FLCN: variants seen among roughly 807,000 people sequenced by gnomAD.
FLCN encodes BHD skin lesion fibrofolliculoma protein.
A neutral mutation model predicts 62.5 loss-of-function variants in FLCN; 22 were observed. The observed-to-expected ratio is 0.35, with a 90% CI of 0.25 to 0.50. The LOEUF (loss-of-function observed/expected upper bound fraction) is 0.50, where lower values mean the gene tolerates loss of function less well. FLCN is among the 20% of genes least tolerant of loss of function. FLCN has a pLI of 0.97. For missense variants in FLCN, 657 were observed against 778.0 expected (o/e 0.84, Z 1.85); for synonymous variants, 319 against 310.0 (o/e 1.03, Z -0.30).
In FLCN at chr17:17,213,692, G is replaced by A. The variant is rs781733528; in HGVS notation, c.1703C>T (p.Thr568Met). The A allele has an allele frequency of 5.0e-6, 8 of 1,614,180 alleles. No homozygotes were observed. Among genetic ancestry groups the A allele is most frequent in the African/African-American group, 4.0e-5 (3 of 75,046 alleles). ...SKTYKSHLMS[T>M]VRSPTASESR... ...CTCCGAGGCTGTGGGGCTGCGGACCGTGGACATGAGGTGTGACTTGTAGGT... is the reference window on the plus strand; with the variant it reads ...CTCCGAGGCTGTGGGGCTGCGGACCATGGACATGAGGTGTGACTTGTAGGT... The change falls in exon 14 of 14, where the codon ACG becomes ATG. Residue 568 changes from threonine to methionine, a missense_variant. Physicochemically the swap from Thr to Met is moderately conservative, Grantham distance 81. Transcript: ENST00000285071.
chr17:17,216,491 C>T lies in FLCN; in HGVS notation c.1189G>A (p.Val397Met), dbSNP rs752006809. 2.2e-5 allele frequency: 35 copies of T among 1,613,812 alleles called. No individual in the cohort carries two copies. Among genetic ancestry groups the T allele is most frequent in the Middle Eastern group, 1.7e-4 (1 of 6,058 alleles). ...TATGGGATGATGCGGACGCAGCCCACGGGAAGCATGGTCTGAGGAGGACAG... is the reference window on the plus strand; with the variant it reads ...TATGGGATGATGCGGACGCAGCCCATGGGAAGCATGGTCTGAGGAGGACAG... ...AFEVLRTMLP[V>M]GCVRIIPYSS... Residue 397 changes from valine (V) to methionine (M), a missense_variant, in exon 11 of 14, where the codon GTG becomes ATG. Val to Met is a conservative substitution (Grantham distance 21). Transcript: ENST00000285071. This position sits in a 1 kb window ranked among gnomAD's most constrained non-coding sequence, Gnocchi z 4.0.
intron 13 of FLCN, among the ~76,000 whole-genome samples, chr17:17,214,527 G>A (rs542544995): frequency 6.6e-6 from 1 of 152,222 alleles, no homozygotes; most frequent in Non-Finnish European, 1.5e-5. Flanking sequence ...CCGGGAGGCG[G>A]AGGTTGTGGT....
chr17:17,219,328 A>G (rs1352335135), intron 8 of FLCN, 119 bp from the exon 9 acceptor site: 4 of 665,110 alleles, frequency 6.0e-6, no homozygotes, highest in African/African-American at 1.9e-5. Flanking sequence ...GCCAGGTCCT[A>G]TGCTCCCTGC....
Position 17,216,572 on chromosome 17 carries a change from C to T in FLCN, c.1177-69G>A. On this transcript the variant is annotated intron_variant, in intron 10 of 13. Coordinates refer to ENST00000285071, the MANE Select transcript of FLCN (RefSeq NM_144997.7). The surrounding 1 kb of genome is among the most constrained non-coding windows in gnomAD (Gnocchi z 4.0). ...CTCAGCCCCGGCCATCCATGCTCTA[C>T]TACCCAAACCCCACACGCCTCCTGC... is the stretch of plus-strand genomic sequence containing the variant. 4 of 1,603,130 alleles carry T rather than the reference C, an allele frequency of 2.5e-6. No individual in the cohort carries two copies. Among genetic ancestry groups the T allele is most frequent in the Middle Eastern group, 1.7e-4 (1 of 6,046 alleles).
At position 17,213,098 on chromosome 17, in the gene FLCN, A is replaced by G. The variant is rs3803761; in HGVS notation, c.*557T>C. 0.72 allele frequency: 184,952 copies of G among 258,560 alleles called. 66,584 individuals carry two copies. The highest frequency in any genetic ancestry group is 0.73 in the Non-Finnish European group (96,654 of 131,960). 16.0% of individuals were successfully genotyped at this position (258,560 alleles called of 1,614,324 possible). ...TCAGAACACACATTTCAGAGGACCA[A>G]AAGATGAGGAAGAGATCCACTTCAC... On this transcript the variant is annotated 3_prime_UTR_variant, in exon 14 of 14. Transcript: ENST00000285071.
intron 6 of FLCN, 170 bp from the exon 7 acceptor site, chr17:17,222,831 T>A: frequency 1.3e-6 from 1 of 758,360 alleles, no homozygotes; most frequent in Non-Finnish European, 2.3e-6. Context: ...CCCAACAGCA[T>A]AGCTCTGCCC....
chr17:17,229,589 C>G (rs939780882), intron 3 of FLCN: 2 of 152,228 alleles, frequency 1.3e-5, no homozygotes, highest in Non-Finnish European at 2.9e-5. Context: ...GTGGCGATGG[C>G]CGCACAGCAC....
At chr17:17,230,876 G>C (rs1237094262) in intron 3 of FLCN, among the ~76,000 whole-genome samples, 1 of 152,168 alleles carries the variant, frequency 6.6e-6, no homozygotes, top group Non-Finnish European at 1.5e-5. Context: ...CTGGGTGACA[G>C]AGTGAGTGAG....
intron 9 of FLCN, 65 bp downstream of exon 9, chr17:17,218,954 G>T: frequency 1.3e-6 from 2 of 1,577,420 alleles, no homozygotes; most frequent in Non-Finnish European, 8.7e-7. Context: ...AAGGCGTGTG[G>T]GCAGGGACAG....
At position 17,227,960 on chromosome 17, in the gene FLCN, C is replaced by T. The variant is rs2145042881; in HGVS notation, c.178G>A (p.Ala60Thr). 6.2e-7 allele frequency: 1 copy of T among 1,614,152 alleles called. No individual in the cohort carries two copies. The highest frequency in any genetic ancestry group is 8.5e-7 in the Non-Finnish European group (1 of 1,180,048). ...GGIQMNSRMR[A>T]HSPAEGASVE... is the part of the protein sequence containing the mutation. ...CTGGCCCCCTCTGCGGGGCTGTGCG[C>T]ACGCATCCGACTGTTCATCTGAATG... The change falls in exon 4 of 14, where the codon GCG becomes ACG. Residue 60 changes from alanine to threonine, a missense_variant. Physicochemically the swap from Ala to Thr is moderately conservative, Grantham distance 58. Coordinates refer to ENST00000285071, the MANE Select transcript of FLCN (RefSeq NM_144997.7).
intron 1 of FLCN, among the ~76,000 whole-genome samples, chr17:17,234,407 T>G (rs965450280): frequency 2.6e-5 from 4 of 151,282 alleles, no homozygotes; most frequent in Non-Finnish European, 4.4e-5. Flanking sequence ...AGATGGGGTT[T>G]CGCCATGTTA....
intron 8 of FLCN, chr17:17,220,986 G>A (rs1050320687): frequency 2.3e-6 from 1 of 426,660 alleles, no homozygotes; most frequent in South Asian, 2.2e-5. Flanking sequence ...CAGACCTGTA[G>A]CACCAAGATC....
At chr17:17,217,008 G>A in intron 10 of FLCN, 61 bp downstream of exon 10, 1 of 1,259,622 alleles carries the variant, frequency 7.9e-7, no homozygotes. Flanking sequence ...ATCCCCACCT[G>A]ACGCCAGGCA....
Position 17,216,565 on chromosome 17 carries a change from T to A in FLCN, c.1177-62A>T. ...GGAAGCCCTCAGCCCCGGCCATCCA[T>A]GCTCTACTACCCAAACCCCACACGC... is the stretch of plus-strand genomic sequence containing the variant. On this transcript the variant is annotated intron_variant, in intron 10 of 13. Transcript: ENST00000285071. This position sits in a 1 kb window ranked among gnomAD's most constrained non-coding sequence, Gnocchi z 4.0. 6.2e-7 allele frequency: 1 copy of A among 1,606,460 alleles called. No individual in the cohort carries two copies. Among genetic ancestry groups the A allele is most frequent in the Non-Finnish European group, 8.5e-7 (1 of 1,178,044 alleles).
At chr17:17,214,169 G>A (rs950795911) in intron 13 of FLCN, among the ~76,000 whole-genome samples, 1 of 152,066 alleles carries the variant, frequency 6.6e-6, no homozygotes, top group African/African-American at 2.4e-5. Context: ...CCTTAAACTC[G>A]TGGAAGACAC....
intron 4 of FLCN, among the ~76,000 whole-genome samples, chr17:17,227,100 T>C (rs2047273515): frequency 6.6e-6 from 1 of 152,146 alleles, no homozygotes; most frequent in African/African-American, 2.4e-5. Context: ...GATGCAGCTC[T>C]TACACGTCCT....
rs1219523326 is a variant in FLCN, at chr17:17,213,847, C to T, written c.1548G>A (p.Lys516=). The T allele has an allele frequency of 6.2e-7, 1 of 1,614,096 alleles. No homozygotes were observed. The highest frequency in any genetic ancestry group is 8.5e-7 in the Non-Finnish European group (1 of 1,179,968). Residue 516 remains lysine, a synonymous_variant, in exon 14 of 14, where the codon AAG becomes AAA. Transcript: ENST00000285071. ...CCACCTTGGTGAACTTAAAAAGCAC[C>T]TTCACTTTGCTGAAGAAAACCAAAA... ...CLKEEWMNKV[K]VLFKFTKVDS...
rs2144862279 is a variant in FLCN, at chr17:17,216,597, C to T, written c.1177-94G>A. 6.4e-7 allele frequency: 1 copy of T among 1,566,198 alleles called. No homozygotes were observed. The highest frequency in any genetic ancestry group is 8.6e-7 in the Non-Finnish European group (1 of 1,159,536). Reference sequence around the variant, plus strand: ...CTACCCAAACCCCACACGCCTCCTGCAGCCCGGTCCAAGCCCTCCCTCCTG... The same window carrying T: ...CTACCCAAACCCCACACGCCTCCTGTAGCCCGGTCCAAGCCCTCCCTCCTG... On this transcript the variant is annotated intron_variant, in intron 10 of 13. Coordinates refer to ENST00000285071, the MANE Select transcript of FLCN (RefSeq NM_144997.7). The surrounding 1 kb of genome is among the most constrained non-coding windows in gnomAD (Gnocchi z 4.0).
chr17:17,226,166 CA>C lies in FLCN; in HGVS notation c.396+9del. 1 of 1,614,022 alleles carries C rather than the reference CA, an allele frequency of 6.2e-7. No homozygotes were observed. The highest frequency in any genetic ancestry group is 1.1e-5 in the South Asian group (1 of 91,076). On this transcript the variant is annotated intron_variant, in intron 5 of 13. Transcript: ENST00000285071. ...CCCACAGAGACAGGCTCTGTGGCCA[CA>C]AGGCTCACCTCACAGCTCAGGCTCC...
Sources: allele counts gnomAD v4.1 joint callset (sites outside exome capture counted in the v4.1 genomes callset), GRCh38; gene constraint gnomAD v4.1.1; non-coding constraint Gnocchi (gnomAD v3.1); transcripts MANE v1.5; gene names NCBI Gene and HGNC (gene_info 2026-07-23, HGNC 2026-07-21).